The following TXNL4A variants were observed in gnomAD, a reference collection of about 807,000 sequenced individuals.
TXNL4A encodes the protein thioredoxin like 4A.
A neutral mutation model predicts 14.6 loss-of-function variants in TXNL4A; 17 were observed. The ratio of observed to expected loss-of-function variants is 1.16; its 90% confidence interval spans 0.80 to 1.74. The LOEUF (loss-of-function observed/expected upper bound fraction) is 1.74, where lower values mean the gene tolerates loss of function less well. Among genes scored for constraint, TXNL4A ranks in the 40% most tolerant of loss-of-function variants. The probability of loss-of-function intolerance (pLI) is 0.00; values close to 1 mark genes in which losing one functional copy is unlikely to be tolerated. For synonymous variants in TXNL4A, 83 were observed against 70.6 expected (o/e 1.18, Z -0.88); for missense variants, 74 against 195.2 (o/e 0.38, Z 3.70).
At chr18:79,987,706 C>T (rs770747515) in intron 1 of TXNL4A, among the ~76,000 whole-genome samples, 18 of 152,326 alleles carry the variant, frequency 1.2e-4, no homozygotes, top group East Asian at 1.2e-3. Context: ...AAGCATATTT[C>T]TATTTTCTCC....
At chr18:79,976,648 T>C (rs545939154) in intron 2 of TXNL4A, 1 of 381,320 alleles carries the variant, frequency 2.6e-6, no homozygotes, top group South Asian at 1.9e-5. Context: ...AGCTGCTCAA[T>C]GCGTGCTAAT....
chr18:80,025,241 G>A (rs2051876849), intron 1 of TXNL4A, among the ~76,000 whole-genome samples: 1 of 152,184 alleles, frequency 6.6e-6, no homozygotes, highest in Non-Finnish European at 1.5e-5. Flanking sequence ...TCTCCCTATA[G>A]GAGGCAAACC....
chr18:80,003,937 C>G (rs2051713063), intron 1 of TXNL4A, among the ~76,000 whole-genome samples: 1 of 152,162 alleles, frequency 6.6e-6, no homozygotes, highest in Non-Finnish European at 1.5e-5. Flanking sequence ...AAACCACCCC[C>G]ACGATCCGGT....
rs80094611 is a variant in TXNL4A at position 79,982,214 on chromosome 18, AAGC to A, written c.154-4516_154-4514del. Among the ~76,000 whole-genome samples the A allele has an allele frequency of 0.12, 17,739 of 152,248 alleles. 1,215 individuals are homozygous for A. Among genetic ancestry groups the A allele is most frequent in the Middle Eastern group, 0.19 (55 of 294 alleles). ...TCTCAGATCCAGCACCAGGGCAAGG[AAGC>A]AGAAGTGCAGGACAGTGGGGACCGA... On this transcript the variant is annotated intron_variant, in intron 1 of 2. Transcript: ENST00000269601. The surrounding 1 kb of genome is among the most constrained non-coding windows in gnomAD (Gnocchi z 4.0).
intron 1 of TXNL4A, among the ~76,000 whole-genome samples, chr18:80,005,934 A>G (rs2051727358): frequency 6.6e-6 from 1 of 152,022 alleles, no homozygotes; most frequent in Non-Finnish European, 1.5e-5. Context: ...AAGAAAAAGA[A>G]TAAGAAAAAA....
intron 1 of TXNL4A, among the ~76,000 whole-genome samples, chr18:80,016,396 G>C (rs1206364657): frequency 4.0e-5 from 6 of 151,546 alleles, no homozygotes; most frequent in Admixed American, 1.3e-4. Context: ...TTTGGCTTTT[G>C]TTGCCATTGC....
intron 1 of TXNL4A, among the ~76,000 whole-genome samples, chr18:80,007,895 TAAG>T (rs766414166): frequency 2.7e-4 from 41 of 152,064 alleles, no homozygotes; most frequent in African/African-American, 4.1e-4. Flanking sequence ...ATTGCCCAGG[TAAG>T]AAGATTTGTC....
intron 1 of TXNL4A, among the ~76,000 whole-genome samples, chr18:80,002,747 T>G (rs1431806610): frequency 6.6e-6 from 1 of 152,230 alleles, no homozygotes; most frequent in South Asian, 2.1e-4. Flanking sequence ...CACATAAAGT[T>G]AGAAACCCAA....
chr18:80,002,272 A>G (rs2051703089), intron 1 of TXNL4A, among the ~76,000 whole-genome samples: 1 of 152,190 alleles, frequency 6.6e-6, no homozygotes, highest in African/African-American at 2.4e-5. Context: ...AGGAATCTGC[A>G]AGCCCTGTGG....
intron 1 of TXNL4A, among the ~76,000 whole-genome samples, chr18:80,023,796 C>T (rs1043016608): frequency 3.9e-5 from 6 of 152,194 alleles, no homozygotes; most frequent in African/African-American, 9.7e-5. Flanking sequence ...ATTACTAAGA[C>T]ACTGACTAAC....
chr18:80,012,202 C>A (rs533798914), intron 1 of TXNL4A, among the ~76,000 whole-genome samples: 1 of 152,248 alleles, frequency 6.6e-6, no homozygotes, highest in Admixed American at 6.5e-5. Flanking sequence ...ACCGCCAAAC[C>A]AAGATAGGCC....
intron 2 of TXNL4A, among the ~76,000 whole-genome samples, chr18:79,976,005 A>G (rs866849020): frequency 5.3e-5 from 8 of 152,342 alleles, no homozygotes; most frequent in Middle Eastern, 3.4e-3. Context: ...GAAACCTAGG[A>G]AAGATGAAAA....
rs184046110 is a variant in TXNL4A at position 80,001,355 on chromosome 18, G to A, written c.-60-23654C>T. On this transcript the variant is annotated intron_variant, in intron 1 of 2. Transcript: ENST00000585474. ...GGCCCTCATGGAGAACCTCTGCTAG[G>A]GCAGTGCAGAAGAAAAATGTGAGGT... Among the ~76,000 whole-genome samples the A allele has an allele frequency of 1.4e-3, 210 of 152,298 alleles. 1 individual carries two copies. Among genetic ancestry groups the A allele is most frequent in the Non-Finnish European group, 2.4e-3 (160 of 68,020 alleles).
chr18:79,989,869 G>A (rs1242184821), upstream of TXNL4A, among the ~76,000 whole-genome samples: 1 of 152,186 alleles, frequency 6.6e-6, no homozygotes, highest in Admixed American at 6.5e-5. Flanking sequence ...GGTGGCGCCC[G>A]CCTATAATCC....
At chr18:79,987,304 TCTTTC>T (rs1331221039) in intron 1 of TXNL4A, among the ~76,000 whole-genome samples, 1 of 152,248 alleles carries the variant, frequency 6.6e-6, no homozygotes, top group Non-Finnish European at 1.5e-5. Context: ...GGCCAGATAG[TCTTTC>T]CTTTCCTGAA....
At chr18:80,028,711 G>A (rs976062066) in intron 1 of TXNL4A, among the ~76,000 whole-genome samples, 3 of 152,190 alleles carry the variant, frequency 2.0e-5, no homozygotes, top group East Asian at 1.9e-4. Context: ...CTGACCCGTG[G>A]TTGTCAATTG....
chr18:79,977,223 C>T, intron 2 of TXNL4A: 1 of 290,660 alleles, frequency 3.4e-6, no homozygotes, highest in Non-Finnish European at 6.5e-6. Context: ...TCCCAAAGTG[C>T]TGGGATTACA....
At chr18:79,980,765 C>T (rs143252615) in intron 1 of TXNL4A, among the ~76,000 whole-genome samples, 200 of 152,226 alleles carry the variant, frequency 1.3e-3, no homozygotes, top group African/African-American at 4.5e-3. Context: ...GCACACGGCC[C>T]ACTGCAGGAG....
intron 1 of TXNL4A, among the ~76,000 whole-genome samples, chr18:80,002,500 C>T (rs1046833801): frequency 3.3e-5 from 5 of 152,130 alleles, no homozygotes; most frequent in African/African-American, 7.2e-5. Flanking sequence ...TAGAAAAGGC[C>T]GTGTCCCTCA....
Sources: allele counts gnomAD v4.1 joint callset (sites outside exome capture counted in the v4.1 genomes callset), GRCh38; gene constraint gnomAD v4.1.1; non-coding constraint Gnocchi (gnomAD v3.1); transcripts MANE v1.5; gene names NCBI Gene and HGNC (gene_info 2026-07-23, HGNC 2026-07-21).